Variants in ST6GALNAC3 observed in about 807,000 individuals in gnomAD.
The protein encoded by ST6GALNAC3 is alpha-N-acetylgalactosaminide alpha-2,6-sialyltransferase 3.
Under a neutral mutation model 32.7 loss-of-function variants are expected in ST6GALNAC3, and 25 were observed. The ratio of observed to expected loss-of-function variants is 0.76; its 90% confidence interval spans 0.56 to 1.07. The LOEUF (loss-of-function observed/expected upper bound fraction) is 1.07, where lower values mean the gene tolerates loss of function less well. Ranked by LOEUF, ST6GALNAC3 falls within the 50% of genes least tolerant of loss-of-function variation. The pLI is 0.00. For synonymous variants in ST6GALNAC3, 129 were observed against 133.1 expected (o/e 0.97, Z 0.21); for missense variants, 355 against 382.4 (o/e 0.93, Z 0.60).
chr1:76,585,405 A>C (rs1387370727), intron 3 of ST6GALNAC3, among the ~76,000 whole-genome samples: 1 of 151,564 alleles, frequency 6.6e-6, no homozygotes, highest in Non-Finnish European at 1.5e-5. Flanking sequence ...AAAAAAAAAA[A>C]ACTATAAATA....
chr1:76,621,140 T>C (rs1470249071), intron 3 of ST6GALNAC3, among the ~76,000 whole-genome samples: 1 of 151,276 alleles, frequency 6.6e-6, no homozygotes, highest in African/African-American at 2.4e-5. Flanking sequence ...TACAATTTCA[T>C]TGCATTCATA....
In ST6GALNAC3 at chr1:76,630,399, G is replaced by A. The variant is rs770860950; in HGVS notation, c.*1593G>A. Reference sequence around the variant, plus strand: ...GGGACAACAGGAGGAAATGAAGGCAGAGAAATATAGTTTCCTTTCCTAGGA... The same window carrying A: ...GGGACAACAGGAGGAAATGAAGGCAAAGAAATATAGTTTCCTTTCCTAGGA... On this transcript the variant is annotated 3_prime_UTR_variant, in exon 5 of 5. Coordinates refer to ENST00000328299, the MANE Select transcript of ST6GALNAC3 (RefSeq NM_152996.4). 2.1e-5 allele frequency: 21 copies of A among 985,078 alleles called. No homozygotes were observed. Among genetic ancestry groups the A allele is most frequent in the Non-Finnish European group, 2.0e-5 (17 of 829,836 alleles). The allele number at this position is 985,078 out of a possible 1,614,324, so 61.0% of individuals were successfully genotyped here. A position where few individuals can be genotyped will look rare whatever the true frequency, so the allele number is the denominator to read the frequency against.
intron 2 of ST6GALNAC3, among the ~76,000 whole-genome samples, chr1:76,340,460 T>C (rs1228955484): frequency 6.6e-6 from 1 of 152,156 alleles, no homozygotes; most frequent in African/African-American, 2.4e-5. Context: ...AGCAGTCGGC[T>C]TTTCTGTCAT....
At chr1:76,597,280 C>T (rs2100610602) in intron 3 of ST6GALNAC3, among the ~76,000 whole-genome samples, 1 of 152,108 alleles carries the variant, frequency 6.6e-6, no homozygotes, top group East Asian at 1.9e-4. Context: ...GCTTGCTTAC[C>T]ATATATTTAT....
chr1:76,241,683 C>T (rs1656975086), intron 1 of ST6GALNAC3, among the ~76,000 whole-genome samples: 1 of 152,124 alleles, frequency 6.6e-6, no homozygotes, highest in Non-Finnish European at 1.5e-5. Flanking sequence ...GTGTAAAATA[C>T]AAACTGTATT....
chr1:76,203,218 G>A (rs1045880656), intron 1 of ST6GALNAC3, among the ~76,000 whole-genome samples: 2 of 152,148 alleles, frequency 1.3e-5, no homozygotes, highest in Non-Finnish European at 2.9e-5. Flanking sequence ...GATCACTGGA[G>A]GGGGCACTTA....
chr1:76,185,186 A>G (rs111554024), intron 1 of ST6GALNAC3, among the ~76,000 whole-genome samples: 1,623 of 152,250 alleles, frequency 0.011, 18 homozygotes, highest in Admixed American at 0.018. Context: ...TTCCTATCCC[A>G]GGTCAACGTT....
At chr1:76,175,669 T>C (rs1652804231) in intron 1 of ST6GALNAC3, among the ~76,000 whole-genome samples, 1 of 152,050 alleles carries the variant, frequency 6.6e-6, no homozygotes, top group African/African-American at 2.4e-5. Flanking sequence ...AGAAATCAAA[T>C]ACTTAAAAAA....
intron 1 of ST6GALNAC3, among the ~76,000 whole-genome samples, chr1:76,282,650 A>C (rs1326984443): frequency 6.6e-6 from 1 of 152,160 alleles, no homozygotes; most frequent in Non-Finnish European, 1.5e-5. Context: ...GGAATCGCCT[A>C]TATGTTCAAA....
intron 1 of ST6GALNAC3, among the ~76,000 whole-genome samples, chr1:76,133,569 G>A (rs577993493): frequency 2.9e-4 from 44 of 152,326 alleles, no homozygotes; most frequent in Non-Finnish European, 3.1e-4. Flanking sequence ...TCCAGAGAGT[G>A]GCCAAAATTT....
At chr1:76,517,873 G>A (rs1570054959) in intron 3 of ST6GALNAC3, among the ~76,000 whole-genome samples, 1 of 151,828 alleles carries the variant, frequency 6.6e-6, no homozygotes, top group Non-Finnish European at 1.5e-5. Context: ...GGAAGGAGGT[G>A]TTCATTTTTA....
chr1:76,235,631 G>GT (rs1382501708), intron 1 of ST6GALNAC3, among the ~76,000 whole-genome samples: 1 of 151,218 alleles, frequency 6.6e-6, no homozygotes, highest in Non-Finnish European at 1.5e-5. Flanking sequence ...AAATGCCTCA[G>GT]TTTCCCTATC....
At chr1:76,327,906 C>T (rs1251677888) in intron 2 of ST6GALNAC3, among the ~76,000 whole-genome samples, 2 of 152,080 alleles carry the variant, frequency 1.3e-5, no homozygotes, top group Non-Finnish European at 2.9e-5. Flanking sequence ...AATGTTTAAC[C>T]AAATATTTGG....
At chr1:76,543,512 A>C (rs1453200800) in intron 3 of ST6GALNAC3, among the ~76,000 whole-genome samples, 2 of 152,224 alleles carry the variant, frequency 1.3e-5, no homozygotes, top group Non-Finnish European at 2.9e-5. Context: ...TATGCAGATA[A>C]ATTATTCCAA....
At chr1:76,128,311 T>C (rs1649389299) in intron 1 of ST6GALNAC3, among the ~76,000 whole-genome samples, 1 of 152,228 alleles carries the variant, frequency 6.6e-6, no homozygotes, top group Non-Finnish European at 1.5e-5. Flanking sequence ...CCCAGGCTGC[T>C]CTACTGCAGG....
intron 2 of ST6GALNAC3, among the ~76,000 whole-genome samples, chr1:76,345,761 C>T (rs1253314912): frequency 6.6e-6 from 1 of 152,016 alleles, no homozygotes; most frequent in Non-Finnish European, 1.5e-5. Context: ...CAAGTAGGAC[C>T]CGTTCCTCAG....
intron 1 of ST6GALNAC3, among the ~76,000 whole-genome samples, chr1:76,224,407 A>G (rs1655953821): frequency 6.6e-6 from 1 of 152,208 alleles, no homozygotes; most frequent in South Asian, 2.1e-4. Flanking sequence ...TAAATGGGCA[A>G]AAGGATAGAA....
rs1395227467 is a variant in ST6GALNAC3 at position 76,509,668 on chromosome 1, G to T, written c.623+97251G>T. Among the ~76,000 whole-genome samples the T allele has an allele frequency of 6.6e-6, 1 of 152,096 alleles. No homozygotes were observed. Among genetic ancestry groups the T allele is most frequent in the Non-Finnish European group, 1.5e-5 (1 of 68,012 alleles). On this transcript the variant is annotated intron_variant, in intron 3 of 4. Transcript: ENST00000328299. This position sits in a 1 kb window ranked among gnomAD's most constrained non-coding sequence, Gnocchi z 5.5. ...TTAGAAGTCTAAAATGGGTTGTTAG[G>T]GCTGCATTCCTTCTGGAAGATCCAA...
rs1648617784 is a variant in ST6GALNAC3, at chr1:76,118,207, C to T, written c.18+43323C>T. 2.0e-5 allele frequency among the ~76,000 whole-genome samples: 3 copies of T among 152,104 alleles called. No individual in the cohort carries two copies. In the South Asian group the frequency reaches 6.2e-4, roughly 32 times the overall value. Reference sequence around the variant, plus strand: ...CCCTGTGCCCATGTGTTCTCATTGTCCAAATCCCCCTTATGAATGAGAACA... The same window carrying T: ...CCCTGTGCCCATGTGTTCTCATTGTTCAAATCCCCCTTATGAATGAGAACA... On this transcript the variant is annotated intron_variant, in intron 1 of 4. Transcript: ENST00000328299.
Sources: allele counts gnomAD v4.1 joint callset (sites outside exome capture counted in the v4.1 genomes callset), GRCh38; gene constraint gnomAD v4.1.1; non-coding constraint Gnocchi (gnomAD v3.1); transcripts MANE v1.5; gene names NCBI Gene and HGNC (gene_info 2026-07-23, HGNC 2026-07-21).